The following GABRG3 variants were observed in gnomAD, a reference collection of about 807,000 sequenced individuals.
GABRG3 encodes the protein gamma-aminobutyric acid type A receptor subunit gamma3.
GABRG3 carries 25 observed loss-of-function variants against 48.8 expected under a neutral mutation model. The observed-to-expected ratio is 0.51, with a 90% CI of 0.37 to 0.72. GABRG3 has a LOEUF of 0.72. Ranked by LOEUF, GABRG3 falls within the 30% of genes least tolerant of loss-of-function variation. The pLI, the probability that GABRG3 is intolerant of heterozygous loss-of-function variation, is 0.00. For synonymous variants in GABRG3, 227 were observed against 217.6 expected (o/e 1.04, Z -0.38); for missense variants, 394 against 577.9 (o/e 0.68, Z 3.26).
chr15:27,166,656 G>T (rs954784028), intron 3 of GABRG3, among the ~76,000 whole-genome samples: 3 of 152,110 alleles, frequency 2.0e-5, no homozygotes, highest in Non-Finnish European at 4.4e-5. Context: ...CCAGCTTCCC[G>T]CAAGGAACTG....
At chr15:27,220,950 G>A (rs376719071) in intron 3 of GABRG3, among the ~76,000 whole-genome samples, 1 of 151,856 alleles carries the variant, frequency 6.6e-6, no homozygotes, top group Non-Finnish European at 1.5e-5. Context: ...ATAATGCAAA[G>A]CATTATTCAA....
intron 5 of GABRG3, among the ~76,000 whole-genome samples, chr15:27,414,263 T>C (rs116936675): frequency 6.6e-6 from 1 of 152,204 alleles, no homozygotes; most frequent in African/African-American, 2.4e-5. Context: ...AAAGCCCTCA[T>C]GGTTTCTCTC....
intron 3 of GABRG3, chr15:27,271,521 G>A (rs907212269): frequency 1.5e-5 from 7 of 455,654 alleles, no homozygotes; most frequent in African/African-American, 1.0e-4. Flanking sequence ...CCCAGGCCAC[G>A]CCCTTTAGGA....
intron 2 of GABRG3, among the ~76,000 whole-genome samples, chr15:27,011,538 C>T (rs904295817): frequency 6.6e-6 from 1 of 152,158 alleles, no homozygotes; most frequent in East Asian, 1.9e-4. Flanking sequence ...TAGCCTAGGT[C>T]AGGATACTAC....
chr15:27,300,368 T>C (rs1260619197), intron 3 of GABRG3, among the ~76,000 whole-genome samples: 2 of 151,994 alleles, frequency 1.3e-5, no homozygotes, highest in East Asian at 3.9e-4. Context: ...GGCACGTATT[T>C]TTAAAAACAT....
In GABRG3 at chr15:27,507,478, TG is replaced by T. The variant is rs1169800898; in HGVS notation, c.713-12491del. Among the ~76,000 whole-genome samples, 5 of 152,178 alleles carry T rather than the reference TG, an allele frequency of 3.3e-5. No homozygotes were observed. In the South Asian group the frequency reaches 8.3e-4, roughly 25 times the overall value. ...AAGATCCTACCACTGCACTACAGCT[TG>T]GGTGACAGAGTGAGACTTCATCTTA... On this transcript the variant is annotated intron_variant, in intron 6 of 9. Coordinates refer to ENST00000615808, the MANE Select transcript of GABRG3 (RefSeq NM_033223.5).
intron 3 of GABRG3, among the ~76,000 whole-genome samples, chr15:27,127,447 T>TG (rs2140380314): frequency 1.0e-5 from 1 of 96,354 alleles, no homozygotes; most frequent in Admixed American, 1.3e-4. Flanking sequence ...TACTGAGGGG[T>TG]GGGGGGTGGG....
At position 27,440,228 on chromosome 15, in the gene GABRG3, C is replaced by A. The variant is rs544985441; in HGVS notation, c.575-40422C>A. Among the ~76,000 whole-genome samples, 39 of 152,324 alleles carry A rather than the reference C, an allele frequency of 2.6e-4. No individual in the cohort carries two copies. In the South Asian group the frequency reaches 6.2e-3, roughly 24 times the overall value. ...AACTCATAGAATAACCATGAAAGAT[C>A]TTTCCGCGTTGTACATGGGAACAAA... is the stretch of plus-strand genomic sequence containing the variant. On this transcript the variant is annotated intron_variant, in intron 5 of 9. Transcript: ENST00000615808.
intron 3 of GABRG3, among the ~76,000 whole-genome samples, chr15:27,092,463 T>C (rs1320997323): frequency 6.6e-6 from 1 of 152,222 alleles, no homozygotes; most frequent in East Asian, 1.9e-4. Context: ...CTGCCTGCCT[T>C]GGACAGCTGT....
intron 3 of GABRG3, among the ~76,000 whole-genome samples, chr15:27,283,848 C>G (rs1045632642): frequency 3.9e-5 from 6 of 152,146 alleles, no homozygotes; most frequent in Non-Finnish European, 8.8e-5. Context: ...TCGTCTTTCA[C>G]AAATTATGAG....
chr15:26,992,630 T>G (rs1054320814), intron 2 of GABRG3, among the ~76,000 whole-genome samples: 1 of 152,184 alleles, frequency 6.6e-6, no homozygotes, highest in Admixed American at 6.5e-5. Context: ...TGTATTTTGT[T>G]GAGTATTTTT....
chr15:27,141,312 C>T (rs922627215), intron 3 of GABRG3, among the ~76,000 whole-genome samples: 1 of 152,106 alleles, frequency 6.6e-6, no homozygotes, highest in African/African-American at 2.4e-5. Context: ...CAGACTAGAT[C>T]CTAGGTTAAG....
At chr15:27,379,838 T>C (rs1455146307) in intron 5 of GABRG3, among the ~76,000 whole-genome samples, 1 of 152,206 alleles carries the variant, frequency 6.6e-6, no homozygotes, top group African/African-American at 2.4e-5. Context: ...CTGGCTTCTT[T>C]CAAGCTATTC....
chr15:27,306,566 A>G (rs1197048488), intron 3 of GABRG3, among the ~76,000 whole-genome samples: 1 of 41,876 alleles, frequency 2.4e-5, no homozygotes, highest in Non-Finnish European at 9.4e-5. Context: ...TAATATAAAC[A>G]TATATGTTTA....
At chr15:27,116,367 T>C (rs1897641278) in intron 3 of GABRG3, among the ~76,000 whole-genome samples, 1 of 152,162 alleles carries the variant, frequency 6.6e-6, no homozygotes, top group Non-Finnish European at 1.5e-5. Flanking sequence ...TTGACTTTTA[T>C]ATATTTTTTT....
chr15:27,493,462 T>G (rs774100905), intron 6 of GABRG3, among the ~76,000 whole-genome samples: 1 of 152,152 alleles, frequency 6.6e-6, no homozygotes, highest in African/African-American at 2.4e-5. Flanking sequence ...TGATAACAAT[T>G]TTGTACGATT....
intron 3 of GABRG3, among the ~76,000 whole-genome samples, chr15:27,046,075 A>G (rs1011866342): frequency 7.9e-5 from 12 of 152,058 alleles, no homozygotes; most frequent in African/African-American, 1.9e-4. Context: ...GAATCCTTAC[A>G]TACTTCTTTT....
intron 2 of GABRG3, among the ~76,000 whole-genome samples, chr15:27,005,927 T>C (rs1895575365): frequency 6.6e-6 from 1 of 152,206 alleles, no homozygotes; most frequent in Admixed American, 6.5e-5. Flanking sequence ...AAAAATTAAC[T>C]TGATATATAT....
chr15:27,294,496 G>A (rs998482762), intron 3 of GABRG3, among the ~76,000 whole-genome samples: 25 of 152,272 alleles, frequency 1.6e-4, no homozygotes, highest in African/African-American at 5.5e-4. Flanking sequence ...GATTACAGAT[G>A]TGAGCCACCA....
Sources: allele counts gnomAD v4.1 joint callset (sites outside exome capture counted in the v4.1 genomes callset), GRCh38; gene constraint gnomAD v4.1.1; transcripts MANE v1.5; gene names NCBI Gene and HGNC (gene_info 2026-07-23, HGNC 2026-07-21).